Variants in EVL observed in about 807,000 individuals in gnomAD.
The protein encoded by EVL is Enah/Vasp-like, also known as ena/VASP-like protein.
EVL carries 21 observed loss-of-function variants against 59.6 expected under a neutral mutation model. The ratio of observed to expected loss-of-function variants is 0.35; its 90% confidence interval spans 0.25 to 0.51. EVL has a LOEUF of 0.51. EVL is among the 20% of genes least tolerant of loss of function. The pLI, the probability that EVL is intolerant of heterozygous loss-of-function variation, is 0.97. For synonymous variants in EVL, 198 were observed against 203.5 expected, an observed-to-expected ratio of 0.97 and a Z score of 0.23; for missense variants, 462 against 546.6, an observed-to-expected ratio of 0.85 and a Z score of 1.54.
rs111403517 is a variant in EVL, at chr14:100,137,181, C to A, written c.965-397C>A. ...ACAGAGCCAGGCGCAGCATGGGAGG[C>A]AGACTAAGGAGCCCCTCAGTAGCAG... On this transcript the variant is annotated intron_variant, in intron 9 of 13. Transcript: ENST00000392920. 1,618 of 251,986 alleles carry A rather than the reference C, an allele frequency of 6.4e-3. 16 individuals carry two copies. The highest frequency in any genetic ancestry group is 0.033 in the African/African-American group (1,519 of 46,150). 15.6% of individuals were successfully genotyped at this position (251,986 alleles called of 1,614,324 possible).
intron 1 of EVL, among the ~76,000 whole-genome samples, chr14:99,984,762 C>T (rs892317187): frequency 2.0e-5 from 3 of 152,044 alleles, no homozygotes; most frequent in African/African-American, 4.8e-5. Context: ...CACAGGTGTG[C>T]GTCACCACAC....
intron 3 of EVL, 192 bp downstream of exon 3, chr14:100,097,850 G>GTT (rs1251889614): frequency 3.9e-6 from 2 of 512,098 alleles, no homozygotes; most frequent in Admixed American, 7.6e-5. Flanking sequence ...AAAGAATGGA[G>GTT]TTTGTATCTC....
At chr14:100,076,709 T>C (rs1047602845) in intron 1 of EVL, among the ~76,000 whole-genome samples, 1 of 152,194 alleles carries the variant, frequency 6.6e-6, no homozygotes, top group Non-Finnish European at 1.5e-5. Flanking sequence ...GGAAGTGGCC[T>C]GAGCCACAGC....
chr14:100,091,620 A>G (rs2146025), intron 2 of EVL, among the ~76,000 whole-genome samples: 58,962 of 151,994 alleles, frequency 0.39, 14,672 homozygotes, highest in African/African-American at 0.71. Context: ...TTATCTGCCC[A>G]CTCATCTGTA....
chr14:99,984,115 GA>G, intron 1 of EVL, among the ~76,000 whole-genome samples: 1 of 152,274 alleles, frequency 6.6e-6, no homozygotes, highest in South Asian at 2.1e-4. Flanking sequence ...TCCTTCTAAG[GA>G]CAGCATTTCA....
intron 1 of EVL, among the ~76,000 whole-genome samples, chr14:100,035,772 A>C (rs1303850743): frequency 6.6e-6 from 1 of 152,192 alleles, no homozygotes; most frequent in African/African-American, 2.4e-5. Flanking sequence ...TTTTGCCAGC[A>C]ACTGGTTAGT....
chr14:100,113,842 G>A (rs972286656), intron 3 of EVL, among the ~76,000 whole-genome samples: 3 of 152,098 alleles, frequency 2.0e-5, no homozygotes, highest in Non-Finnish European at 2.9e-5. Flanking sequence ...TCAGGGCACC[G>A]GGACAGGCAA....
chr14:100,038,414 G>C (rs936918230), intron 1 of EVL, among the ~76,000 whole-genome samples: 2 of 152,090 alleles, frequency 1.3e-5, no homozygotes, highest in East Asian at 3.9e-4. Context: ...GAGCAGAAGC[G>C]ATGGACTCAG....
chr14:99,972,464 G>A lies in EVL; in HGVS notation c.5+407G>A, dbSNP rs1293321315. On this transcript the variant is annotated intron_variant, in intron 1 of 13. Coordinates refer to the EVL transcript ENST00000402714. The surrounding 1 kb of genome is among the most constrained non-coding windows in gnomAD (Gnocchi z 4.4). ...CCTGTGCGGTGCCTTCCAGCCCGGA[G>A]GAGGCTGGCCTGAAGCCCCCAGGCG... Among the ~76,000 whole-genome samples, 2 of 152,172 alleles carry A rather than the reference G, an allele frequency of 1.3e-5. No individual in the cohort carries two copies. Among genetic ancestry groups the A allele is most frequent in the Non-Finnish European group, 2.9e-5 (2 of 68,018 alleles).
intron 1 of EVL, among the ~76,000 whole-genome samples, chr14:99,984,325 A>AACCCTTAGT (rs2060826712): frequency 6.6e-6 from 1 of 152,296 alleles, no homozygotes; most frequent in South Asian, 2.1e-4. Context: ...TATCCACTGT[A>AACCCTTAGT]ACCCTTAGTA....
rs189897434 is a variant in EVL at position 100,127,072 on chromosome 14, A to G, written c.487+301A>G. Among the ~76,000 whole-genome samples the G allele has an allele frequency of 5.3e-5, 8 of 152,322 alleles. No homozygotes were observed. In the East Asian group the frequency reaches 1.5e-3, roughly 29 times the overall value. On this transcript the variant is annotated intron_variant, in intron 5 of 13. Coordinates refer to ENST00000392920, the MANE Select transcript of EVL (RefSeq NM_016337.3). The surrounding 1 kb of genome is among the most constrained non-coding windows in gnomAD (Gnocchi z 4.2). ...GCTGGGGACACAACTATGACTGCAG[A>G]TGCAGTTCCTGCCCTCAGGAAGCCC... is the stretch of plus-strand genomic sequence containing the variant.
chr14:99,993,017 G>C (rs980224029), intron 1 of EVL, among the ~76,000 whole-genome samples: 2 of 150,726 alleles, frequency 1.3e-5, no homozygotes, highest in African/African-American at 2.4e-5. Flanking sequence ...TGTATGTTGA[G>C]CCATTCTTGC....
chr14:100,126,099 T>A (rs995643236), intron 4 of EVL, among the ~76,000 whole-genome samples: 3 of 152,306 alleles, frequency 2.0e-5, no homozygotes, highest in East Asian at 3.9e-4. Context: ...TGGGCCTCAG[T>A]GTCCTCACTC....
At chr14:100,023,815 T>A (rs1397924451) in intron 1 of EVL, among the ~76,000 whole-genome samples, 3 of 152,148 alleles carry the variant, frequency 2.0e-5, no homozygotes, top group Non-Finnish European at 4.4e-5. Flanking sequence ...GAACTGAAAG[T>A]TTTAAATAAA....
At chr14:99,988,566 A>G (rs909572610) in intron 1 of EVL, among the ~76,000 whole-genome samples, 1 of 152,234 alleles carries the variant, frequency 6.6e-6, no homozygotes, top group African/African-American at 2.4e-5. Context: ...CCTATGACCT[A>G]TCAGTTCCAC....
intron 1 of EVL, among the ~76,000 whole-genome samples, chr14:100,013,669 C>T (rs978987377): frequency 2.0e-5 from 3 of 152,172 alleles, no homozygotes; most frequent in African/African-American, 7.2e-5. Context: ...AGCTGATTTC[C>T]ATTTGTGGCT....
chr14:100,084,640 C>A, intron 1 of EVL, 47 bp from the exon 2 acceptor site: 1 of 1,597,144 alleles, frequency 6.3e-7, no homozygotes, highest in Non-Finnish European at 8.6e-7. Context: ...AAGTCAACTT[C>A]CATCCACTGT....
intron 3 of EVL, among the ~76,000 whole-genome samples, chr14:100,120,043 G>C (rs1282054219): frequency 2.0e-5 from 3 of 152,198 alleles, no homozygotes; most frequent in Non-Finnish European, 4.4e-5. Context: ...TCACAGCCCT[G>C]AGAAAAAGGC....
chr14:99,982,500 G>A (rs1182269068), intron 1 of EVL, among the ~76,000 whole-genome samples: 2 of 152,146 alleles, frequency 1.3e-5, no homozygotes, highest in Non-Finnish European at 2.9e-5. Context: ...GTTTAACTTG[G>A]AGGTTCTCCC....
Sources: allele counts gnomAD v4.1 joint callset (sites outside exome capture counted in the v4.1 genomes callset), GRCh38; gene constraint gnomAD v4.1.1; non-coding constraint Gnocchi (gnomAD v3.1); transcripts MANE v1.5; gene names NCBI Gene and HGNC (gene_info 2026-07-23, HGNC 2026-07-21).